Variants in WWOX observed in about 807,000 individuals in gnomAD.
The protein encoded by WWOX is WW domain-containing oxidoreductase.
Under a neutral mutation model 46.2 loss-of-function variants are expected in WWOX, and 69 were observed. That is an observed-to-expected ratio of 1.49 (90% CI 1.23 to 1.82). The LOEUF (loss-of-function observed/expected upper bound fraction) is 1.82. Ranked by LOEUF, WWOX falls within the 40% of genes most tolerant of loss-of-function variation. The pLI is 0.00. For synonymous variants in WWOX, 359 were observed against 202.6 expected (o/e 1.77, Z -6.56); for missense variants, 919 against 542.6 (o/e 1.69, Z -6.89).
chr16:78,222,568 G>T (rs909164151), intron 5 of WWOX, among the ~76,000 whole-genome samples: 1 of 152,120 alleles, frequency 6.6e-6, no homozygotes, highest in Non-Finnish European at 1.5e-5. Flanking sequence ...TAGGCACAGC[G>T]CTAGTGTCAG....
At chr16:79,203,689 C>T (rs900947651) in intron 8 of WWOX, 4 of 152,090 alleles carry the variant, frequency 2.6e-5, no homozygotes, top group African/African-American at 7.2e-5. Flanking sequence ...AGGCAGACTT[C>T]GTAGAGCCAT....
At position 78,625,604 on chromosome 16, in the gene WWOX, T is replaced by A. The variant is rs532085347; in HGVS notation, c.1056+192852T>A. On this transcript the variant is annotated intron_variant, in intron 8 of 8. Transcript: ENST00000566780. ...ATTTGGTACATTTATTAAGATTAAA[T>A]TATTGATACTGAAATATTAGGTTGT... 2.0e-5 allele frequency among the ~76,000 whole-genome samples: 3 copies of A among 152,084 alleles called. No individual in the cohort carries two copies. In the South Asian group the frequency reaches 6.2e-4, roughly 32 times the overall value.
chr16:78,688,391 G>T (rs926442673), intron 8 of WWOX, among the ~76,000 whole-genome samples: 6 of 148,984 alleles, frequency 4.0e-5, no homozygotes, highest in African/African-American at 1.5e-4. Flanking sequence ...AAAAGATCCT[G>T]ACAAATCCTA....
At chr16:78,436,700 T>C (rs2083342594) in intron 8 of WWOX, among the ~76,000 whole-genome samples, 2 of 152,170 alleles carry the variant, frequency 1.3e-5, no homozygotes, top group African/African-American at 4.8e-5. Flanking sequence ...TTTTCTTTCA[T>C]AAACATTTAG....
intron 5 of WWOX, chr16:78,168,087 G>GT (rs1359541842): frequency 6.6e-6 from 1 of 152,176 alleles, no homozygotes; most frequent in Non-Finnish European, 1.5e-5. Flanking sequence ...ATGATCCAAA[G>GT]TTTTTTGTTG....
At chr16:78,709,355 C>T (rs552902455) in intron 8 of WWOX, among the ~76,000 whole-genome samples, 2 of 152,334 alleles carry the variant, frequency 1.3e-5, no homozygotes, top group South Asian at 2.1e-4. Context: ...AGTTGTCTGG[C>T]TGAAGGAAAG....
intron 8 of WWOX, among the ~76,000 whole-genome samples, chr16:78,466,272 C>G (rs542474633): frequency 6.6e-6 from 1 of 152,180 alleles, no homozygotes; most frequent in South Asian, 2.1e-4. Flanking sequence ...ACCTTTTGAT[C>G]AGCCTGCCTT....
At chr16:78,263,752 T>C (rs1467624730) in intron 5 of WWOX, among the ~76,000 whole-genome samples, 1 of 152,148 alleles carries the variant, frequency 6.6e-6, no homozygotes, top group African/African-American at 2.4e-5. Context: ...TCCCAGAGAT[T>C]TATCTGCCAC....
chr16:78,114,507 T>A (rs2032669149), intron 3 of WWOX, among the ~76,000 whole-genome samples: 1 of 152,186 alleles, frequency 6.6e-6, no homozygotes, highest in African/African-American at 2.4e-5. Context: ...ATCGTTAGAA[T>A]TTTGGTAGTT....
chr16:78,515,116 CAGG>C (rs1431877558), intron 8 of WWOX, among the ~76,000 whole-genome samples: 1 of 152,100 alleles, frequency 6.6e-6, no homozygotes, highest in African/African-American at 2.4e-5. Context: ...TGCAGCTACT[CAGG>C]AGGCTGAGGC....
intron 8 of WWOX, among the ~76,000 whole-genome samples, chr16:78,718,179 A>T (rs1466898859): frequency 7.2e-6 from 1 of 139,100 alleles, no homozygotes. Context: ...TGCCCAAGTT[A>T]TTATTTTTTA....
intron 5 of WWOX, among the ~76,000 whole-genome samples, chr16:78,377,634 T>G (rs2081861601): frequency 6.6e-6 from 1 of 152,202 alleles, no homozygotes; most frequent in Non-Finnish European, 1.5e-5. Flanking sequence ...TAAACTGTTT[T>G]TAAGCTGCAA....
intron 5 of WWOX, among the ~76,000 whole-genome samples, chr16:78,321,128 CATA>C (rs1450444694): frequency 6.6e-6 from 1 of 151,936 alleles, no homozygotes; most frequent in South Asian, 2.1e-4. Flanking sequence ...AAGTTGGGTA[CATA>C]AAATTTCTGT....
intron 8 of WWOX, among the ~76,000 whole-genome samples, chr16:78,785,803 T>A (rs1195912084): frequency 6.6e-6 from 1 of 152,240 alleles, no homozygotes; most frequent in Non-Finnish European, 1.5e-5. Flanking sequence ...AATTGGATAA[T>A]GGTTTTAAAA....
chr16:78,859,611 A>G (rs2052669293), intron 8 of WWOX, among the ~76,000 whole-genome samples: 1 of 152,130 alleles, frequency 6.6e-6, no homozygotes, highest in Non-Finnish European at 1.5e-5. Flanking sequence ...CATGTTCAGC[A>G]TTTTATGTGT....
intron 5 of WWOX, among the ~76,000 whole-genome samples, chr16:78,195,073 C>G (rs1051988463): frequency 6.6e-6 from 1 of 152,198 alleles, no homozygotes; most frequent in Non-Finnish European, 1.5e-5. Flanking sequence ...CAGTGGGCTT[C>G]CCTGCTACAC....
intron 5 of WWOX, among the ~76,000 whole-genome samples, chr16:78,372,998 G>T (rs1335395057): frequency 6.6e-6 from 1 of 152,106 alleles, no homozygotes; most frequent in Non-Finnish European, 1.5e-5. Flanking sequence ...AAAGACTTTT[G>T]CAGGCTTATT....
intron 5 of WWOX, among the ~76,000 whole-genome samples, chr16:78,255,443 T>A (rs1404630675): frequency 6.6e-6 from 1 of 152,222 alleles, no homozygotes; most frequent in Non-Finnish European, 1.5e-5. Flanking sequence ...TGCGGTTACT[T>A]CTCTCTTTGT....
chr16:78,839,219 CAGAG>C (rs978072619), intron 8 of WWOX, among the ~76,000 whole-genome samples: 1 of 152,194 alleles, frequency 6.6e-6, no homozygotes, highest in Non-Finnish European at 1.5e-5. Flanking sequence ...GCCCACCACC[CAGAG>C]AGAGTCACCT....
Sources: gnomAD v4.1 joint callset for allele counts (sites outside exome capture counted in the v4.1 genomes callset) on GRCh38, gnomAD v4.1.1 for gene constraint, MANE v1.5 for transcripts, NCBI Gene and HGNC (gene_info 2026-07-23, HGNC 2026-07-21) for gene names.